Variants in CEP112 observed in about 807,000 individuals in gnomAD.
CEP112 encodes the protein centrosomal protein of 112 kDa.
CEP112 carries 127 observed loss-of-function variants against 153.0 expected under a neutral mutation model. The ratio of observed to expected loss-of-function variants is 0.83; its 90% confidence interval spans 0.72 to 0.96. The LOEUF (loss-of-function observed/expected upper bound fraction) is 0.96, where lower values mean the gene tolerates loss of function less well. CEP112 is among the 40% of genes least tolerant of loss of function. CEP112 has a pLI of 0.00. For missense variants in CEP112, 1,089 were observed against 1,101.2 expected, an observed-to-expected ratio of 0.99 and a Z score of 0.16; for synonymous variants, 358 against 374.4, an observed-to-expected ratio of 0.96 and a Z score of 0.51.
intron 12 of CEP112, among the ~76,000 whole-genome samples, chr17:66,035,901 C>T (rs2065719067): frequency 6.6e-6 from 1 of 152,132 alleles, no homozygotes; most frequent in South Asian, 2.1e-4. Flanking sequence ...ACTGAGCTCC[C>T]GAAGTGTGAT....
intron 21 of CEP112, among the ~76,000 whole-genome samples, chr17:65,762,360 G>C (rs1010888481): frequency 6.6e-6 from 1 of 151,834 alleles, no homozygotes; most frequent in Non-Finnish European, 1.5e-5. Flanking sequence ...ATATATAGTT[G>C]GGTCTTATTT....
At chr17:66,059,179 G>T (rs190743690) in intron 11 of CEP112, among the ~76,000 whole-genome samples, 4 of 152,072 alleles carry the variant, frequency 2.6e-5, no homozygotes. Context: ...TTAAGTATAA[G>T]ACTTAAAACT....
chr17:65,740,766 C>A (rs181893798), intron 23 of CEP112, among the ~76,000 whole-genome samples: 2 of 152,278 alleles, frequency 1.3e-5, no homozygotes, highest in Admixed American at 6.5e-5. Flanking sequence ...GAAAATCAAG[C>A]CTCATAGTGG....
At chr17:66,069,004 G>A (rs576255117) in intron 9 of CEP112, among the ~76,000 whole-genome samples, 1 of 150,558 alleles carries the variant, frequency 6.6e-6, no homozygotes, top group African/African-American at 2.4e-5. Context: ...GGAGAGTTCA[G>A]TTTTTTTTTC....
At chr17:66,188,974 A>G (rs549941611) in intron 1 of CEP112, among the ~76,000 whole-genome samples, 1 of 152,314 alleles carries the variant, frequency 6.6e-6, no homozygotes, top group African/African-American at 2.4e-5. Flanking sequence ...ATCTATAGCT[A>G]AAGCAAAATA....
At chr17:66,053,468 C>G (rs2066532480) in intron 12 of CEP112, among the ~76,000 whole-genome samples, 1 of 151,596 alleles carries the variant, frequency 6.6e-6, no homozygotes, top group African/African-American at 2.4e-5. Flanking sequence ...GCCTGGGTGA[C>G]AGGGTGAGAC....
intron 19 of CEP112, among the ~76,000 whole-genome samples, chr17:65,910,253 C>G (rs976750275): frequency 6.6e-6 from 1 of 152,104 alleles, no homozygotes; most frequent in Admixed American, 6.6e-5. Flanking sequence ...AATACCTGTG[C>G]CTTCATACTG....
chr17:65,979,763 T>C (rs1460598365), intron 17 of CEP112, among the ~76,000 whole-genome samples: 1 of 152,118 alleles, frequency 6.6e-6, no homozygotes, highest in Non-Finnish European at 1.5e-5. Flanking sequence ...ATTATTAAAA[T>C]GAAACATCTT....
At chr17:65,795,469 G>C (rs1051712175) in intron 21 of CEP112, among the ~76,000 whole-genome samples, 1 of 152,132 alleles carries the variant, frequency 6.6e-6, no homozygotes. Flanking sequence ...CAAAATTCTA[G>C]ACTACCCCTG....
At chr17:66,025,948 C>CACACACACACACACACAT (rs1056546431) in intron 16 of CEP112, among the ~76,000 whole-genome samples, 9 of 118,196 alleles carry the variant, frequency 7.6e-5, no homozygotes, top group African/African-American at 2.1e-4. Flanking sequence ...CACACACACA[C>CACACACACACACACACAT]ATATATAGAT....
chr17:65,978,265 A>AAAAGAAAG (rs398070947), intron 17 of CEP112, among the ~76,000 whole-genome samples: 2 of 151,556 alleles, frequency 1.3e-5, no homozygotes, highest in Non-Finnish European at 2.9e-5. Context: ...CTAAAAGAAA[A>AAAAGAAAG]TAAGTAATGA....
chr17:66,066,767 C>A lies in CEP112; in HGVS notation c.955+11G>T. 6.8e-7 allele frequency: 1 copy of A among 1,468,968 alleles called. No homozygotes were observed. Among genetic ancestry groups the A allele is most frequent in the Non-Finnish European group, 9.1e-7 (1 of 1,098,872 alleles). 91.0% of individuals were successfully genotyped at this position (1,468,968 alleles called of 1,614,324 possible). On this transcript the variant is annotated intron_variant, in intron 10 of 26. Transcript: ENST00000535342. Reference sequence around the variant, plus strand: ...TGTTATTAAAAGATGTATGTAACAACACAACATCACCTTTCTTTTCAAGCT... The same window carrying A: ...TGTTATTAAAAGATGTATGTAACAAAACAACATCACCTTTCTTTTCAAGCT...
At chr17:65,866,310 T>A (rs2058484350) in intron 20 of CEP112, among the ~76,000 whole-genome samples, 1 of 152,200 alleles carries the variant, frequency 6.6e-6, no homozygotes. Context: ...AGCCCCCTGC[T>A]GCCTCAGTCC....
chr17:65,835,312 T>G (rs1424602220), intron 21 of CEP112, among the ~76,000 whole-genome samples: 1 of 151,790 alleles, frequency 6.6e-6, no homozygotes. Flanking sequence ...GACTGAAAAT[T>G]TCTCAAATCC....
intron 6 of CEP112, among the ~76,000 whole-genome samples, chr17:66,122,186 G>A (rs1041684509): frequency 6.6e-6 from 1 of 152,072 alleles, no homozygotes; most frequent in Non-Finnish European, 1.5e-5. Context: ...GAGCCACTGC[G>A]CCTGGCCCAT....
intron 17 of CEP112, among the ~76,000 whole-genome samples, chr17:66,003,507 G>T (rs2064145017): frequency 6.6e-6 from 1 of 152,176 alleles, no homozygotes; most frequent in Admixed American, 6.5e-5. Flanking sequence ...GCCTAACCTG[G>T]ACTGGAAAAT....
chr17:66,029,020 A>G (rs2065344266), intron 14 of CEP112, 103 bp downstream of exon 14: 4 of 885,726 alleles, frequency 4.5e-6, no homozygotes, highest in Non-Finnish European at 6.8e-6. Context: ...AAAGTGAAAG[A>G]GAGATTAATT....
In CEP112 at chr17:65,849,098, G is replaced by C. The variant is rs16962895; in HGVS notation, c.2394+2706C>G. ...GCTTATCACAGCTTTGGAGACTTTC[G>C]ATGATCCTGAAGCTATCTTAGCTTG... On this transcript the variant is annotated intron_variant, in intron 21 of 26. Transcript: ENST00000535342. 7.5e-3 allele frequency among the ~76,000 whole-genome samples: 1,149 copies of C among 152,242 alleles called. 14 individuals are homozygous for C. The highest frequency in any genetic ancestry group is 0.026 in the African/African-American group (1,092 of 41,534).
intron 6 of CEP112, among the ~76,000 whole-genome samples, chr17:66,129,203 T>C (rs1452263844): frequency 6.6e-6 from 1 of 152,194 alleles, no homozygotes; most frequent in East Asian, 1.9e-4. Context: ...ACAGATTCCA[T>C]ACATAAATTC....
Sources: gnomAD v4.1 joint callset for allele counts (sites outside exome capture counted in the v4.1 genomes callset) on GRCh38, gnomAD v4.1.1 for gene constraint, MANE v1.5 for transcripts, NCBI Gene and HGNC (gene_info 2026-07-23, HGNC 2026-07-21) for gene names.